Variants in NEK7 observed in about 807,000 individuals in gnomAD.
NEK7 encodes the protein NIMA related kinase 7.
NEK7 carries 18 observed loss-of-function variants against 44.6 expected under a neutral mutation model. The observed-to-expected ratio is 0.40, with a 90% CI of 0.28 to 0.60. NEK7 has a LOEUF of 0.60. Among genes scored for constraint, NEK7 ranks in the 20% least tolerant of loss-of-function variants. The pLI is 0.38. For synonymous variants in NEK7, 130 were observed against 121.1 expected, an observed-to-expected ratio of 1.07 and a Z score of -0.48; for missense variants, 256 against 366.5, an observed-to-expected ratio of 0.70 and a Z score of 2.46.
intron 7 of NEK7, among the ~76,000 whole-genome samples, chr1:198,288,958 G>A (rs1345053676): frequency 6.6e-6 from 1 of 152,098 alleles, no homozygotes. Flanking sequence ...TTTTATAAAT[G>A]TCTTTTGCAG....
At chr1:198,318,900 G>A (rs1655456541) in intron 9 of NEK7, among the ~76,000 whole-genome samples, 1 of 151,882 alleles carries the variant, frequency 6.6e-6, no homozygotes, top group Non-Finnish European at 1.5e-5. Flanking sequence ...ATTATAATTA[G>A]TTTAAAGGAG....
intron 1 of NEK7, among the ~76,000 whole-genome samples, chr1:198,186,230 G>A (rs1664922122): frequency 6.6e-6 from 1 of 152,096 alleles, no homozygotes; most frequent in African/African-American, 2.4e-5. Flanking sequence ...TTTCTGTTTA[G>A]CAATGAATTC....
chr1:198,276,928 A>G (rs1654034638), intron 5 of NEK7, among the ~76,000 whole-genome samples: 1 of 151,702 alleles, frequency 6.6e-6, no homozygotes, highest in African/African-American at 2.4e-5. Flanking sequence ...TTTCTCAAGT[A>G]TAGTTCCTCC....
At chr1:198,209,081 GTATA>G (rs994135810) in intron 1 of NEK7, among the ~76,000 whole-genome samples, 1 of 141,964 alleles carries the variant, frequency 7.0e-6, no homozygotes, top group African/African-American at 2.6e-5. Flanking sequence ...ACGCACATAT[GTATA>G]TATACACACA....
intron 9 of NEK7, among the ~76,000 whole-genome samples, chr1:198,314,009 A>C (rs1384411836): frequency 1.3e-5 from 2 of 151,392 alleles, no homozygotes; most frequent in Non-Finnish European, 2.9e-5. Flanking sequence ...GTTCTCCCGG[A>C]TAATATCCTG....
chr1:198,176,161 T>G (rs1161854284), intron 1 of NEK7, among the ~76,000 whole-genome samples: 1 of 152,224 alleles, frequency 6.6e-6, no homozygotes, highest in Non-Finnish European at 1.5e-5. Context: ...AAATATTTAT[T>G]GGATCTTCAT....
intron 2 of NEK7, among the ~76,000 whole-genome samples, chr1:198,241,527 G>C (rs1169350729): frequency 6.6e-6 from 1 of 152,172 alleles, no homozygotes; most frequent in East Asian, 1.9e-4. Context: ...TACCTGGAGT[G>C]AGTGAGCAAA....
intron 1 of NEK7, among the ~76,000 whole-genome samples, chr1:198,201,592 A>C (rs1665430720): frequency 6.6e-6 from 1 of 152,194 alleles, no homozygotes; most frequent in Non-Finnish European, 1.5e-5. Flanking sequence ...AAAGTGATTC[A>C]GTTCTTTTTA....
chr1:198,208,218 G>A (rs1665654729), intron 1 of NEK7, among the ~76,000 whole-genome samples: 1 of 152,134 alleles, frequency 6.6e-6, no homozygotes, highest in Non-Finnish European at 1.5e-5. Context: ...TTTTCATGAT[G>A]TATTGGATAT....
At chr1:198,316,623 T>C (rs543423529) in intron 9 of NEK7, among the ~76,000 whole-genome samples, 52 of 152,374 alleles carry the variant, frequency 3.4e-4, no homozygotes, top group African/African-American at 1.2e-3. Context: ...TTCTGTGATT[T>C]CCTCACTTTC....
Position 198,253,025 on chromosome 1 carries a change from C to T in NEK7, c.58-15C>T, listed in dbSNP as rs371541464. 7 of 1,592,264 alleles carry T rather than the reference C, an allele frequency of 4.4e-6. No individual in the cohort carries two copies. The African/African-American group carries it at 5.4e-5, about 12-fold the overall frequency. Reference sequence around the variant, plus strand: ...ATTGTGTGATTGAAAATTTTTCTGACATTTTTAATTACAGAAGGCCTTACG... The same window carrying T: ...ATTGTGTGATTGAAAATTTTTCTGATATTTTTAATTACAGAAGGCCTTACG... On this transcript the variant is annotated splice_polypyrimidine_tract_variant and intron_variant, in intron 2 of 9. Coordinates refer to ENST00000367385, the MANE Select transcript of NEK7 (RefSeq NM_133494.3).
chr1:198,292,631 A>C (rs1404031396), intron 7 of NEK7, among the ~76,000 whole-genome samples: 2 of 151,964 alleles, frequency 1.3e-5, no homozygotes, highest in African/African-American at 2.4e-5. Flanking sequence ...AGCCAACATG[A>C]ATCATTTAAG....
chr1:198,203,952 A>G (rs1412949825), intron 1 of NEK7, among the ~76,000 whole-genome samples: 1 of 152,148 alleles, frequency 6.6e-6, no homozygotes, highest in African/African-American at 2.4e-5. Flanking sequence ...TGAGGATACA[A>G]TGGAAAACTT....
intron 2 of NEK7, among the ~76,000 whole-genome samples, chr1:198,236,102 A>G (rs1666538715): frequency 6.6e-6 from 1 of 152,188 alleles, no homozygotes; most frequent in South Asian, 2.1e-4. Flanking sequence ...ATCAGGGTTC[A>G]TTGTAGGCCA....
At position 198,234,601 on chromosome 1, in the gene NEK7, C is replaced by T. The variant is rs192368612; in HGVS notation, c.57+1964C>T. Among the ~76,000 whole-genome samples, 31 of 152,270 alleles carry T rather than the reference C, an allele frequency of 2.0e-4. No individual in the cohort carries two copies. The East Asian group carries it at 5.6e-3, about 27-fold the overall frequency. The stretch of plus-strand genomic sequence containing the variant: ...TACTGACTCACCAACCAGGAAAGGT[C>T]GGAGTGGCAGTAGGAAGGAAAAATA... On this transcript the variant is annotated intron_variant, in intron 2 of 9. Transcript: ENST00000367385.
intron 1 of NEK7, among the ~76,000 whole-genome samples, chr1:198,165,830 A>G (rs1170127446): frequency 6.6e-6 from 1 of 152,224 alleles, no homozygotes; most frequent in African/African-American, 2.4e-5. Context: ...TTTCAAATAG[A>G]AGGCTGTTTT....
chr1:198,312,959 T>G (rs1655238215), intron 9 of NEK7, among the ~76,000 whole-genome samples: 2 of 152,190 alleles, frequency 1.3e-5, no homozygotes, highest in African/African-American at 4.8e-5. Flanking sequence ...TTAGGTCCGC[T>G]TGGTGTAGAG....
intron 3 of NEK7, among the ~76,000 whole-genome samples, chr1:198,259,183 T>C (rs1246698130): frequency 6.6e-6 from 1 of 152,202 alleles, no homozygotes; most frequent in Non-Finnish European, 1.5e-5. Context: ...TTTTTATAAC[T>C]TGAATTAAAG....
intron 9 of NEK7, among the ~76,000 whole-genome samples, chr1:198,298,370 C>T (rs1654774446): frequency 6.6e-6 from 1 of 152,050 alleles, no homozygotes; most frequent in South Asian, 2.1e-4. Context: ...ATTTGTGTTC[C>T]TAGAATATAA....
Sources: allele counts gnomAD v4.1 joint callset (sites outside exome capture counted in the v4.1 genomes callset), GRCh38; gene constraint gnomAD v4.1.1; transcripts MANE v1.5; gene names NCBI Gene and HGNC (gene_info 2026-07-23, HGNC 2026-07-21).